Variants in IGSF23 observed in about 807,000 individuals in gnomAD.
The protein encoded by IGSF23 is immunoglobulin superfamily member 23.
IGSF23 carries 14 observed loss-of-function variants against 17.8 expected under a neutral mutation model. That is an observed-to-expected ratio of 0.79 (90% CI 0.52 to 1.23). IGSF23 has a LOEUF of 1.23. Ranked by LOEUF, IGSF23 falls within the 50% of genes most tolerant of loss-of-function variation. The pLI is 0.00. For synonymous variants in IGSF23, 85 were observed against 92.5 expected (o/e 0.92, Z 0.46); for missense variants, 214 against 241.7 (o/e 0.89, Z 0.76).
chr19:44,631,656 C>G (rs1253341815), intron 3 of IGSF23, among the ~76,000 whole-genome samples: 27 of 152,218 alleles, frequency 1.8e-4, no homozygotes, highest in Admixed American at 1.8e-3. Context: ...TATTTATTAA[C>G]ATTAGCATTG....
intron 3 of IGSF23, among the ~76,000 whole-genome samples, 192 bp from the exon 4 acceptor site, chr19:44,635,209 A>G (rs1972860528): frequency 6.6e-6 from 1 of 152,132 alleles, no homozygotes; most frequent in Non-Finnish European, 1.5e-5. Context: ...TACCAGTCTT[A>G]TTGGATCAGG....
In IGSF23 at chr19:44,619,808, T is replaced by G. The variant is rs543348557; in HGVS notation, c.126-3899T>G. ...ATTAGGACCCACCCTAACAACTTCA[T>G]TCTAACTTAATCACCTCGTTAAAGA... On this transcript the variant is annotated intron_variant, in intron 1 of 4. Coordinates refer to ENST00000402988, the MANE Select transcript of IGSF23 (RefSeq NM_001205280.2). Among the ~76,000 whole-genome samples the G allele has an allele frequency of 9.6e-4, 146 of 152,306 alleles. 1 individual carries two copies. Among genetic ancestry groups the G allele is most frequent in the African/African-American group, 3.1e-3 (130 of 41,572 alleles).
chr19:44,613,635 A>T lies in IGSF23; in HGVS notation c.-11A>T. 6.5e-7 allele frequency: 1 copy of T among 1,542,738 alleles called. No individual in the cohort carries two copies. The highest frequency in any genetic ancestry group is 8.8e-7 in the Non-Finnish European group (1 of 1,141,616). On this transcript the variant is annotated 5_prime_UTR_variant, in exon 1 of 5. Transcript: ENST00000402988. ...CCCTCCATCTCCCGGCGGGGATTGT[A>T]CGGTGAGAGAATGAGAGCAAAACCT... is the stretch of plus-strand genomic sequence containing the variant.
intron 1 of IGSF23, chr19:44,618,221 G>C (rs1463939089): frequency 2.1e-6 from 1 of 470,632 alleles, no homozygotes; most frequent in Admixed American, 2.4e-5. Flanking sequence ...GGTTCTGAGG[G>C]TATGACGCCC....
intron 4 of IGSF23, among the ~76,000 whole-genome samples, chr19:44,636,044 T>C (rs574404960): frequency 3.3e-5 from 5 of 152,294 alleles, no homozygotes; most frequent in Non-Finnish European, 7.4e-5. Flanking sequence ...CTCCTTCATG[T>C]TGTCTCTCAT....
At chr19:44,631,248 C>G (rs1011907339) in intron 3 of IGSF23, among the ~76,000 whole-genome samples, 2 of 151,908 alleles carry the variant, frequency 1.3e-5, no homozygotes, top group African/African-American at 2.4e-5. Context: ...GCCTGGGTGA[C>G]AGAGTGAGAC....
At chr19:44,620,042 G>A (rs547454974) in intron 1 of IGSF23, among the ~76,000 whole-genome samples, 209 of 152,206 alleles carry the variant, frequency 1.4e-3, no homozygotes, top group Non-Finnish European at 2.0e-3. Context: ...AGGCCAAGGC[G>A]GGCAGATCAC....
intron 3 of IGSF23, among the ~76,000 whole-genome samples, chr19:44,627,876 G>A (rs541396730): frequency 3.9e-5 from 6 of 152,266 alleles, no homozygotes; most frequent in African/African-American, 1.4e-4. Flanking sequence ...TCTGCAAAAT[G>A]GGGATGATAA....
At chr19:44,633,876 T>C (rs1216559539) in intron 3 of IGSF23, among the ~76,000 whole-genome samples, 1 of 152,228 alleles carries the variant, frequency 6.6e-6, no homozygotes, top group Non-Finnish European at 1.5e-5. Flanking sequence ...AATCAGGAGC[T>C]GTGCTGTGCG....
At position 44,623,849 on chromosome 19, in the gene IGSF23, TG is replaced by T; in HGVS notation, c.269del (p.Cys90LeufsTer23). ...VLSWTFSGVP[C>X]GMGEKLFIRR... is the part of the protein sequence containing the mutation. ...GAGCTGGACCTTCAGTGGGGTGCCCTGTGGGATGGGAGAGAAGCTGTTCATC... is the reference window on the plus strand; with the variant it reads ...GAGCTGGACCTTCAGTGGGGTGCCCTTGGGATGGGAGAGAAGCTGTTCATC... On this transcript the variant is annotated frameshift_variant, in exon 2 of 5. Coordinates refer to ENST00000402988, the MANE Select transcript of IGSF23 (RefSeq NM_001205280.2). LOFTEE classifies it high-confidence loss of function. 1 of 1,550,902 alleles carries T rather than the reference TG, an allele frequency of 6.4e-7. No individual in the cohort carries two copies. Among genetic ancestry groups the T allele is most frequent in the Non-Finnish European group, 8.7e-7 (1 of 1,147,062 alleles).
At chr19:44,632,156 G>T in intron 3 of IGSF23, 2 of 346,780 alleles carry the variant, frequency 5.8e-6, no homozygotes, top group South Asian at 2.3e-5. Context: ...GTTTTTGAGG[G>T]CAGTATGCCT....
intron 3 of IGSF23, among the ~76,000 whole-genome samples, chr19:44,630,700 C>A (rs1184856777): frequency 6.6e-6 from 1 of 151,730 alleles, no homozygotes; most frequent in East Asian, 1.9e-4. Context: ...TGTGACCTTG[C>A]AGATGAGGCC....
intron 1 of IGSF23, among the ~76,000 whole-genome samples, chr19:44,617,576 G>A (rs1256833229): frequency 6.6e-6 from 1 of 152,120 alleles, no homozygotes; most frequent in African/African-American, 2.4e-5. Flanking sequence ...AAAAAATAGT[G>A]GCAAGGTTAT....
chr19:44,621,282 C>CAAAAAA (rs34896514), intron 1 of IGSF23, among the ~76,000 whole-genome samples: 1 of 123,164 alleles, frequency 8.1e-6, no homozygotes, highest in East Asian at 2.4e-4. Flanking sequence ...GACCCTGTCT[C>CAAAAAA]AAAAAAAAAA....
At chr19:44,629,636 T>C (rs1158949393) in intron 3 of IGSF23, among the ~76,000 whole-genome samples, 12 of 145,616 alleles carry the variant, frequency 8.2e-5, no homozygotes, top group Admixed American at 2.0e-4. Context: ...TGCTTTCTTT[T>C]TTTTTTTTTT....
At chr19:44,614,763 A>C (rs1289342642) in intron 1 of IGSF23, among the ~76,000 whole-genome samples, 1 of 152,064 alleles carries the variant, frequency 6.6e-6, no homozygotes. Context: ...TTCCTATAGT[A>C]ACATTTACCT....
intron 1 of IGSF23, among the ~76,000 whole-genome samples, chr19:44,622,386 G>A (rs1972542275): frequency 6.6e-6 from 1 of 152,006 alleles, no homozygotes; most frequent in Admixed American, 6.6e-5. Context: ...ATTGAAATCA[G>A]AAATCAGCTC....
chr19:44,618,176 C>G (rs911767939), intron 1 of IGSF23: 55 of 471,006 alleles, frequency 1.2e-4, no homozygotes, highest in Non-Finnish European at 2.1e-4. Context: ...ATCTTCCTGT[C>G]CCCGGAAGGC....
intron 4 of IGSF23, among the ~76,000 whole-genome samples, chr19:44,635,739 G>A (rs1027313212): frequency 6.6e-6 from 1 of 152,188 alleles, no homozygotes; most frequent in East Asian, 1.9e-4. Context: ...GAAACTCACT[G>A]ACGTAGCTCA....
Sources: gnomAD v4.1 joint callset for allele counts (sites outside exome capture counted in the v4.1 genomes callset) on GRCh38, gnomAD v4.1.1 for gene constraint, MANE v1.5 for transcripts, NCBI Gene and HGNC (gene_info 2026-07-23, HGNC 2026-07-21) for gene names.